Variants in TGS1 observed in about 807,000 individuals in gnomAD.
The protein encoded by TGS1 is trimethylguanosine synthase 1.
TGS1 carries 69 observed loss-of-function variants against 92.2 expected under a neutral mutation model. The observed-to-expected ratio is 0.75, with a 90% CI of 0.62 to 0.91. The LOEUF (loss-of-function observed/expected upper bound fraction) is 0.91, where lower values mean the gene tolerates loss of function less well. TGS1 is among the 40% of genes least tolerant of loss of function. The probability of loss-of-function intolerance (pLI) is 0.00; values close to 1 mark genes in which losing one functional copy is unlikely to be tolerated. For synonymous variants in TGS1, 345 were observed against 338.1 expected, an observed-to-expected ratio of 1.02 and a Z score of -0.22; for missense variants, 1,062 against 1,001.2, an observed-to-expected ratio of 1.06 and a Z score of -0.82.
rs1376131462 is a variant in TGS1, at chr8:55,802,478, A to T, written c.1871A>T (p.Asn624Ile). The T allele has an allele frequency of 6.2e-7, 1 of 1,613,796 alleles. No individual in the cohort carries two copies. Among genetic ancestry groups the T allele is most frequent in the Non-Finnish European group, 8.5e-7 (1 of 1,179,866 alleles). ...ETEAEVKKKK[N>I]KKKNKKVNGL... Reference sequence around the variant, plus strand: ...TTAGCTGAAGTGAAAAAGAAGAAGAACAAGAAGAAGAACAAAAAGGTGAAT... The same window carrying T: ...TTAGCTGAAGTGAAAAAGAAGAAGATCAAGAAGAAGAACAAAAAGGTGAAT... The change falls in exon 9 of 13, where the codon AAC becomes ATC. Residue 624 changes from asparagine (N) to isoleucine (I), a missense_variant. Physicochemically the swap from Asn to Ile is moderately radical, Grantham distance 149. Coordinates refer to ENST00000260129, the MANE Select transcript of TGS1 (RefSeq NM_024831.8).
chr8:55,796,951 A>G (rs1812072252), intron 7 of TGS1, among the ~76,000 whole-genome samples: 1 of 152,114 alleles, frequency 6.6e-6, no homozygotes, highest in Non-Finnish European at 1.5e-5. Flanking sequence ...AGATTGTGCC[A>G]TTGCACTCTA....
At chr8:55,773,823 T>C in intron 1 of TGS1, 104 bp downstream of exon 1, 1 of 918,334 alleles carries the variant, frequency 1.1e-6, no homozygotes, top group Non-Finnish European at 1.7e-6. Flanking sequence ...AGCCAGAACA[T>C]CTGACCCTTG....
intron 1 of TGS1, among the ~76,000 whole-genome samples, chr8:55,776,515 C>G (rs190971328): frequency 1.8e-4 from 28 of 152,222 alleles, no homozygotes; most frequent in African/African-American, 4.8e-4. Context: ...CTCCTGACCT[C>G]TGATCCACCC....
intron 1 of TGS1, among the ~76,000 whole-genome samples, chr8:55,777,931 A>G (rs1050748574): frequency 1.3e-5 from 2 of 151,706 alleles, no homozygotes; most frequent in Admixed American, 1.3e-4. Context: ...TAAGCCTTCT[A>G]GCAGCCCCCT....
intron 4 of TGS1, 29 bp downstream of exon 4, chr8:55,787,089 T>A: frequency 6.6e-7 from 1 of 1,524,840 alleles, no homozygotes; most frequent in Non-Finnish European, 8.9e-7. Flanking sequence ...TATTCTGCCA[T>A]GTAATGGTTA....
At chr8:55,774,237 C>CA (rs1811312639) in intron 1 of TGS1, among the ~76,000 whole-genome samples, 1 of 152,038 alleles carries the variant, frequency 6.6e-6, no homozygotes, top group Non-Finnish European at 1.5e-5. Flanking sequence ...GTAAAAATTG[C>CA]CCCACATGAA....
chr8:55,813,884 A>G (rs1218022399), intron 12 of TGS1, among the ~76,000 whole-genome samples: 2 of 152,030 alleles, frequency 1.3e-5, no homozygotes, highest in African/African-American at 4.8e-5. Context: ...ATCTTTCTTC[A>G]TTGTGTTGCC....
intron 10 of TGS1, among the ~76,000 whole-genome samples, chr8:55,809,877 AG>A (rs1803292845): frequency 6.6e-6 from 1 of 151,424 alleles, no homozygotes; most frequent in South Asian, 2.1e-4. Flanking sequence ...TTGAATTTTT[AG>A]TATCATCAGC....
chr8:55,814,938 A>G (rs1803437857), intron 12 of TGS1, among the ~76,000 whole-genome samples: 1 of 151,888 alleles, frequency 6.6e-6, no homozygotes, highest in Non-Finnish European at 1.5e-5. Context: ...TACTTCTCAT[A>G]TGATTCAGAG....
At chr8:55,789,770 A>T (rs1486077248) in intron 4 of TGS1, among the ~76,000 whole-genome samples, 1 of 152,220 alleles carries the variant, frequency 6.6e-6, no homozygotes, top group Non-Finnish European at 1.5e-5. Context: ...AGTGAGGTAC[A>T]CAAACAGCTG....
chr8:55,773,453 G>A lies in TGS1; in HGVS notation c.-166G>A. 2 of 513,578 alleles carry A rather than the reference G, an allele frequency of 3.9e-6. No homozygotes were observed. Among genetic ancestry groups the A allele is most frequent in the South Asian group, 2.8e-5 (1 of 35,148 alleles). The allele number at this position is 513,578 out of a possible 1,614,324, so 31.8% of individuals were successfully genotyped here. On this transcript the variant is annotated 5_prime_UTR_variant, in exon 1 of 13. Coordinates refer to ENST00000260129, the MANE Select transcript of TGS1 (RefSeq NM_024831.8). ...CCGTGGCCCCTCGGAGCCACTTCCG[G>A]CGGCAGCGTCCGGGCTAGTTCCCGG... is the stretch of plus-strand genomic sequence containing the variant.
chr8:55,776,771 T>G (rs1811413779), intron 1 of TGS1, among the ~76,000 whole-genome samples: 1 of 152,190 alleles, frequency 6.6e-6, no homozygotes, highest in African/African-American at 2.4e-5. Context: ...ACTTATTAAG[T>G]GCCACCACTA....
chr8:55,788,399 G>A (rs538915438), intron 4 of TGS1, among the ~76,000 whole-genome samples: 4 of 151,302 alleles, frequency 2.6e-5, no homozygotes, highest in Admixed American at 2.6e-4. Context: ...TATAAGTGGA[G>A]CCTACCTCAG....
At chr8:55,788,112 C>A (rs1229472085) in intron 4 of TGS1, among the ~76,000 whole-genome samples, 1 of 152,216 alleles carries the variant, frequency 6.6e-6, no homozygotes, top group Non-Finnish European at 1.5e-5. Flanking sequence ...GGAGAGGCTT[C>A]TGCCAATTAA....
At chr8:55,779,875 CT>C (rs71256566) in intron 1 of TGS1, among the ~76,000 whole-genome samples, 21,994 of 143,908 alleles carry the variant, frequency 0.15, 1,646 homozygotes, top group African/African-American at 0.24. Context: ...CTTTTTTTTC[CT>C]TTTTTTTTTT....
At position 55,802,961 on chromosome 8, in the gene TGS1, G is replaced by GT. The variant is rs143199988; in HGVS notation, c.1999+365dup. ...TTGTCCTAATCTTGTCCTTTATCAC[G>GT]TTTTTTTTTTCCTTCCAGTATAGGA... is the stretch of plus-strand genomic sequence containing the variant. On this transcript the variant is annotated intron_variant, in intron 9 of 12. Transcript: ENST00000260129. Among the ~76,000 whole-genome samples the GT allele has an allele frequency of 2.0e-4, 29 of 148,226 alleles. No individual in the cohort carries two copies. The East Asian group carries it at 2.0e-3, about 10-fold the overall frequency.
At position 55,782,821 on chromosome 8, in the gene TGS1, G is replaced by A. The variant is rs1224035087; in HGVS notation, c.166+9G>A. The A allele has an allele frequency of 3.2e-6, 5 of 1,573,398 alleles. No homozygotes were observed. Among genetic ancestry groups the A allele is most frequent in the Non-Finnish European group, 4.3e-6 (5 of 1,157,282 alleles). The stretch of plus-strand genomic sequence containing the variant: ...CAGTGGCAACAATTCAGGTAATATA[G>A]TATAAAATTCTATAAACCTTTTTTG... On this transcript the variant is annotated intron_variant, in intron 2 of 12. Coordinates refer to ENST00000260129, the MANE Select transcript of TGS1 (RefSeq NM_024831.8).
At chr8:55,802,181 C>T (rs1472535609) in intron 8 of TGS1, among the ~76,000 whole-genome samples, 1 of 152,080 alleles carries the variant, frequency 6.6e-6, no homozygotes, top group Non-Finnish European at 1.5e-5. Flanking sequence ...GTGACAGAGC[C>T]AGACTTCGTC....
chr8:55,787,825 C>T (rs992648977), intron 4 of TGS1, among the ~76,000 whole-genome samples: 1 of 152,172 alleles, frequency 6.6e-6, no homozygotes, highest in Non-Finnish European at 1.5e-5. Context: ...CTGGTGAGGG[C>T]CTCAGGAACC....
Sources: allele counts gnomAD v4.1 joint callset (sites outside exome capture counted in the v4.1 genomes callset), GRCh38; gene constraint gnomAD v4.1.1; transcripts MANE v1.5; gene names NCBI Gene and HGNC (gene_info 2026-07-23, HGNC 2026-07-21).